DNAH12: variants seen among roughly 807,000 people sequenced by gnomAD.
DNAH12 encodes axonemal beta dynein heavy chain 12.
Under a neutral mutation model 371.5 loss-of-function variants are expected in DNAH12, and 285 were observed. The observed-to-expected ratio is 0.77, with a 90% CI of 0.70 to 0.85. The LOEUF is 0.85. Ranked by LOEUF, DNAH12 falls within the 40% of genes least tolerant of loss-of-function variation. The pLI is 0.00. For missense variants in DNAH12, 3,611 were observed against 3,689.4 expected (o/e 0.98, Z 0.55); for synonymous variants, 1,200 against 1,213.0 (o/e 0.99, Z 0.22).
chr3:57,455,773 T>C (rs2065887195), intron 22 of DNAH12, among the ~76,000 whole-genome samples: 1 of 152,198 alleles, frequency 6.6e-6, no homozygotes, highest in Non-Finnish European at 1.5e-5. Context: ...TTATGCATAA[T>C]TGAACCATCT....
intron 27 of DNAH12, 87 bp downstream of exon 27, chr3:57,445,944 C>T (rs1344887594): frequency 1.0e-5 from 13 of 1,288,274 alleles, no homozygotes; most frequent in East Asian, 3.0e-5. Context: ...GCCAAGATCG[C>T]GCCACTGCAC....
At chr3:57,369,320 TA>T (rs1463671916) in intron 55 of DNAH12, among the ~76,000 whole-genome samples, 6 of 142,528 alleles carry the variant, frequency 4.2e-5, no homozygotes, top group African/African-American at 1.3e-4. Flanking sequence ...ATAAATTATA[TA>T]TATTTAATAT....
In DNAH12 at chr3:57,379,665, A is replaced by C. The variant is rs989720188; in HGVS notation, c.8083-367T>G. On this transcript the variant is annotated intron_variant, in intron 51 of 73. Coordinates refer to ENST00000495027, the MANE Select transcript of DNAH12 (RefSeq NM_001366028.2). ...AGGACAGCCTGGCCAATATGGTAAA[A>C]CCCTGTCTCTACTAATAGTACAAAA... 2.6e-5 allele frequency among the ~76,000 whole-genome samples: 4 copies of C among 151,864 alleles called. No individual in the cohort carries two copies. In the South Asian group the frequency reaches 8.3e-4, roughly 32 times the overall value.
chr3:57,478,021 C>T (rs2066597153), intron 13 of DNAH12, among the ~76,000 whole-genome samples: 1 of 152,206 alleles, frequency 6.6e-6, no homozygotes, highest in Admixed American at 6.5e-5. Context: ...GAGCGCCTCT[C>T]CTTCTCCAAA....
In DNAH12 at chr3:57,533,988, A is replaced by T. The variant is rs150962607; in HGVS notation, c.170+8713T>A. 1.4e-3 allele frequency among the ~76,000 whole-genome samples: 208 copies of T among 152,292 alleles called. 1 individual carries two copies. Among genetic ancestry groups the T allele is most frequent in the African/African-American group, 4.7e-3 (197 of 41,556 alleles). ...GCCTTTCAAGTTTATTTAGGGCCCC[A>T]GGGTACTTTAGCACTCCATGATAAG... On this transcript the variant is annotated intron_variant, in intron 2 of 73. Transcript: ENST00000495027.
rs773642944 is a variant in DNAH12 at position 57,444,740 on chromosome 3, C to A, written c.4502G>T (p.Ser1501Ile). 1.2e-4 allele frequency: 180 copies of A among 1,549,820 alleles called. No homozygotes were observed. Among genetic ancestry groups the A allele is most frequent in the Non-Finnish European group, 2.0e-5 (23 of 1,146,288 alleles). The change falls in exon 29 of 74, where the codon AGT (serine) becomes ATT (isoleucine). Residue 1501 changes from serine (S) to isoleucine (I), a missense_variant. Physicochemically the swap from Ser to Ile is moderately radical, Grantham distance 142. Transcript: ENST00000495027. ...HDIPLFNGIT[S>I]DLFPGIKLPE... ...AAGTTTAATACCAGGAAATAAGTCA[C>A]TAGTTATTCCATTAAATAAAGGTAT...
At chr3:57,521,410 C>T (rs1034466119) in intron 4 of DNAH12, among the ~76,000 whole-genome samples, 2 of 151,932 alleles carry the variant, frequency 1.3e-5, no homozygotes, top group Admixed American at 1.3e-4. Context: ...CTCTTGTAGT[C>T]CCAGCTACTC....
At chr3:57,391,741 A>C (rs1313364324) in intron 45 of DNAH12, 131 bp downstream of exon 45, 1 of 152,212 alleles carries the variant, frequency 6.6e-6, no homozygotes, top group Non-Finnish European at 1.5e-5. Context: ...GGTGCTGAAC[A>C]TTATGCCTGT....
rs1241476704 is a variant in DNAH12, at chr3:57,398,346, G to C, written c.6949-4014C>G. On this transcript the variant is annotated intron_variant, in intron 43 of 73. Transcript: ENST00000495027. Reference sequence around the variant, plus strand: ...ATTATGGAAATCCCAGAATATGAGAGAGAGAAAGAGAGGACAGAGAGCTTT... The same window carrying C: ...ATTATGGAAATCCCAGAATATGAGACAGAGAAAGAGAGGACAGAGAGCTTT... Among the ~76,000 whole-genome samples the C allele has an allele frequency of 2.0e-5, 3 of 152,284 alleles. No homozygotes were observed. The East Asian group carries it at 5.8e-4, about 29-fold the overall frequency.
chr3:57,406,939 G>A (rs568456712), intron 40 of DNAH12, among the ~76,000 whole-genome samples: 47 of 151,908 alleles, frequency 3.1e-4, no homozygotes, highest in Admixed American at 1.6e-3. Context: ...TCATTCTGTC[G>A]CCCCGCTGGA....
At chr3:57,295,363 AAG>A (rs1374891867) in intron 73 of DNAH12, among the ~76,000 whole-genome samples, 160 bp downstream of exon 73, 1 of 152,198 alleles carries the variant, frequency 6.6e-6, no homozygotes, top group Non-Finnish European at 1.5e-5. Flanking sequence ...CATACACACA[AAG>A]AGATAATAAT....
intron 7 of DNAH12, 52 bp from the exon 8 acceptor site, chr3:57,507,890 T>G (rs1241776112): frequency 6.8e-7 from 1 of 1,478,544 alleles, no homozygotes; most frequent in Non-Finnish European, 9.0e-7. Flanking sequence ...CATATTGGTC[T>G]TAAAACACAA....
At chr3:57,448,638 G>A (rs1199078447) in intron 25 of DNAH12, among the ~76,000 whole-genome samples, 1 of 152,204 alleles carries the variant, frequency 6.6e-6, no homozygotes, top group Admixed American at 6.5e-5. Flanking sequence ...GGCTCAGGCA[G>A]CCTGCTTTTA....
rs1391884118 is a variant in DNAH12 at position 57,392,005 on chromosome 3, A to G, written c.7172T>C (p.Phe2391Ser). The G allele has an allele frequency of 2.0e-5, 3 of 152,264 alleles. No individual in the cohort carries two copies. The highest frequency in any genetic ancestry group is 2.9e-5 in the Non-Finnish European group (2 of 68,048). The allele number at this position is 152,264 out of a possible 1,614,324, so 9.4% of individuals were successfully genotyped here. A position where few individuals can be genotyped will look rare whatever the true frequency, so the allele number is the denominator to read the frequency against. ...KHDELSPLAL[F>S]AFFVNRCKDN... is the part of the protein sequence containing the mutation. The stretch of plus-strand genomic sequence containing the variant: ...TTTGCAGCGATTCACAAAGAAAGCA[A>G]ACAGAGCTAAGGGACTGAGTTCATC... Residue 2391 changes from phenylalanine (F) to serine (S), a missense_variant, in exon 45 of 74, where the codon TTT becomes TCT. Around this residue, in one of 3 missense-constraint regions of DNAH12, gnomAD observed 2,266 missense variants for 2,236.9 expected, o/e 1.01. Transcript: ENST00000495027.
intron 2 of DNAH12, 79 bp from the exon 3 acceptor site, chr3:57,523,963 TC>T: frequency 9.6e-7 from 1 of 1,036,292 alleles, no homozygotes; most frequent in Non-Finnish European, 1.4e-6. Context: ...TAAGCATTTT[TC>T]CAACTATACT....
At chr3:57,354,415 T>G in intron 59 of DNAH12, among the ~76,000 whole-genome samples, 1 of 151,994 alleles carries the variant, frequency 6.6e-6, no homozygotes, top group African/African-American at 2.4e-5. Flanking sequence ...ACCTGGGTGA[T>G]GAAATAATCT....
chr3:57,354,985 A>G (rs2062764433), intron 59 of DNAH12, among the ~76,000 whole-genome samples: 1 of 152,126 alleles, frequency 6.6e-6, no homozygotes, highest in South Asian at 2.1e-4. Flanking sequence ...TAAGGATGGG[A>G]AGGAAGTGGG....
At chr3:57,329,888 C>A (rs975354142) in intron 62 of DNAH12, among the ~76,000 whole-genome samples, 55 of 152,032 alleles carry the variant, frequency 3.6e-4, no homozygotes, top group African/African-American at 1.3e-3. Flanking sequence ...CAACCCCATC[C>A]AAAAGTGGGC....
chr3:57,454,411 C>T (rs2065844399), intron 23 of DNAH12, among the ~76,000 whole-genome samples: 1 of 148,432 alleles, frequency 6.7e-6, no homozygotes, highest in African/African-American at 2.5e-5. Flanking sequence ...ACCTGGGAGG[C>T]GGAGGTTGCA....
Sources: allele counts gnomAD v4.1 joint callset (sites outside exome capture counted in the v4.1 genomes callset), GRCh38; gene constraint gnomAD v4.1.1; regional missense constraint gnomAD v4.1.1; transcripts MANE v1.5; gene names NCBI Gene and HGNC (gene_info 2026-07-23, HGNC 2026-07-21).